Variants in LRP1B observed in about 807,000 individuals in gnomAD.
LRP1B encodes the protein low-density lipoprotein receptor-related protein 1B.
Under a neutral mutation model 556.6 loss-of-function variants are expected in LRP1B, and 217 were observed. The ratio of observed to expected loss-of-function variants is 0.39; its 90% CI spans 0.35 to 0.44. The LOEUF is 0.44. Among genes scored for constraint, LRP1B ranks in the 20% least tolerant of loss-of-function variants. The pLI, the probability that LRP1B is intolerant of heterozygous loss-of-function variation, is 1.00. For synonymous variants in LRP1B, 2,047 were observed against 1,865.8 expected (o/e 1.10, Z -2.50); for missense variants, 5,053 against 5,620.8 (o/e 0.90, Z 3.23).
At chr2:141,880,180 T>C (rs1435592) in intron 1 of LRP1B, among the ~76,000 whole-genome samples, 131,903 of 151,938 alleles carry the variant, frequency 0.87, 57,333 homozygotes, top group East Asian at 1. Flanking sequence ...CCAAGTCTTC[T>C]TTTGAGCTCT....
At chr2:141,347,790 A>T (rs1488802126) in intron 3 of LRP1B, among the ~76,000 whole-genome samples, 1 of 152,024 alleles carries the variant, frequency 6.6e-6, no homozygotes, top group Non-Finnish European at 1.5e-5. Flanking sequence ...TTTGGTTGTA[A>T]TCAGGATCTA....
At chr2:141,647,372 A>T (rs1468532807) in intron 2 of LRP1B, among the ~76,000 whole-genome samples, 2 of 151,912 alleles carry the variant, frequency 1.3e-5, no homozygotes, top group Non-Finnish European at 2.9e-5. Context: ...GTTTTCCACC[A>T]GGAGAAATTG....
chr2:140,671,012 A>G (rs1685459951), intron 41 of LRP1B, among the ~76,000 whole-genome samples: 1 of 152,240 alleles, frequency 6.6e-6, no homozygotes, highest in African/African-American at 2.4e-5. Flanking sequence ...TTTAAATAAA[A>G]GTATGTTAGA....
chr2:141,835,571 T>C (rs948528108), intron 1 of LRP1B, among the ~76,000 whole-genome samples: 1 of 151,732 alleles, frequency 6.6e-6, no homozygotes, highest in Non-Finnish European at 1.5e-5. Flanking sequence ...AAGATATAAA[T>C]AGAAGAGAGG....
At chr2:140,548,915 ACT>A (rs1353558725) in intron 43 of LRP1B, among the ~76,000 whole-genome samples, 1 of 151,998 alleles carries the variant, frequency 6.6e-6, no homozygotes, top group Non-Finnish European at 1.5e-5. Context: ...ACAGAGCAAG[ACT>A]CTGTCTCAAA....
chr2:141,912,981 T>A (rs1699943466), intron 1 of LRP1B, among the ~76,000 whole-genome samples: 1 of 152,176 alleles, frequency 6.6e-6, no homozygotes, highest in African/African-American at 2.4e-5. Flanking sequence ...TTGTATTAAA[T>A]AAATTTGTAT....
At chr2:141,972,234 T>C (rs1230520473) in intron 1 of LRP1B, among the ~76,000 whole-genome samples, 2 of 151,612 alleles carry the variant, frequency 1.3e-5, no homozygotes, top group South Asian at 4.1e-4. Context: ...TCTATTGAAT[T>C]CAGCTTTTGT....
intron 66 of LRP1B, among the ~76,000 whole-genome samples, chr2:140,391,967 A>T (rs2105211306): frequency 6.6e-6 from 1 of 152,200 alleles, no homozygotes; most frequent in East Asian, 1.9e-4. Context: ...CTGGAGTGAG[A>T]CTGTCTGGAT....
In LRP1B at chr2:140,883,995, C is replaced by G. The variant is rs762656238; in HGVS notation, c.3991G>C (p.Glu1331Gln). The change falls in exon 25 of 91, where the codon GAG becomes CAG. Residue 1331 changes from glutamate to glutamine, a missense_variant. Coordinates refer to ENST00000389484, the MANE Select transcript of LRP1B (RefSeq NM_018557.3). Reference protein sequence around the residue: ...GGVSAIEVVVEHGLATPEGLT... With the variant: ...GGVSAIEVVVQHGLATPEGLT... ...CCTTCTGGAGTAGCCAGGCCATGCT[C>G]CACAACCACTTCAATGGCACTGACA... 6.2e-7 allele frequency: 1 copy of G among 1,612,730 alleles called. No homozygotes were observed. Among genetic ancestry groups the G allele is most frequent in the African/African-American group, 1.3e-5 (1 of 74,932 alleles).
chr2:141,796,167 T>G (rs1695805366), intron 2 of LRP1B, among the ~76,000 whole-genome samples: 1 of 151,870 alleles, frequency 6.6e-6, no homozygotes, highest in African/African-American at 2.4e-5. Flanking sequence ...CCCAAAAGTT[T>G]AAAACAAATG....
At chr2:141,695,322 T>C (rs1167731741) in intron 2 of LRP1B, among the ~76,000 whole-genome samples, 1 of 151,990 alleles carries the variant, frequency 6.6e-6, no homozygotes, top group East Asian at 1.9e-4. Flanking sequence ...ATAAGTTTTA[T>C]TCTGTCCTCT....
intron 2 of LRP1B, among the ~76,000 whole-genome samples, chr2:141,808,424 G>C (rs757660481): frequency 2.0e-5 from 3 of 152,022 alleles, no homozygotes; most frequent in Non-Finnish European, 4.4e-5. Context: ...GAAAAGGAGA[G>C]GGCTAAAGCT....
intron 17 of LRP1B, among the ~76,000 whole-genome samples, chr2:140,988,843 A>ACG (rs1697007001): frequency 6.6e-6 from 1 of 151,994 alleles, no homozygotes; most frequent in African/African-American, 2.4e-5. Flanking sequence ...CATCAAATGA[A>ACG]CTATTTTTTT....
chr2:141,792,632 A>G (rs1695654102), intron 2 of LRP1B, among the ~76,000 whole-genome samples: 1 of 152,018 alleles, frequency 6.6e-6, no homozygotes, highest in South Asian at 2.1e-4. Flanking sequence ...ACTATGCCCT[A>G]AAAGATAAAA....
chr2:141,528,224 C>G (rs1684755810), intron 2 of LRP1B, among the ~76,000 whole-genome samples: 1 of 151,722 alleles, frequency 6.6e-6, no homozygotes, highest in Admixed American at 6.6e-5. Flanking sequence ...GAGTGACAAC[C>G]TATGGGGTTC....
At chr2:142,039,812 A>G (rs1186496994) in intron 1 of LRP1B, among the ~76,000 whole-genome samples, 1 of 151,584 alleles carries the variant, frequency 6.6e-6, no homozygotes, top group Non-Finnish European at 1.5e-5. Flanking sequence ...TTGTCAAAAC[A>G]TATTTTGTAT....
rs774854037 is a variant in LRP1B, at chr2:140,536,682, G to C, written c.7541C>G (p.Ser2514Trp). ...CTCACCATTTCCACATTCAAACTCC[G>C]AATAAGCGTTGCAGGAGGAATTTTT... ...VTKNSSCNAYSEFECGNGECI... is the reference protein window; with the variant it reads ...VTKNSSCNAYWEFECGNGECI... Residue 2514 changes from serine to tryptophan, a missense_variant, in exon 46 of 91, where the codon TCG becomes TGG. Physicochemically the swap from Ser to Trp is radical, Grantham distance 177 (BLOSUM62 -3). Transcript: ENST00000389484. 1 of 1,598,254 alleles carries C rather than the reference G, an allele frequency of 6.3e-7. No individual in the cohort carries two copies. The highest frequency in any genetic ancestry group is 1.4e-5 in the African/African-American group (1 of 72,958).
intron 6 of LRP1B, among the ~76,000 whole-genome samples, chr2:141,218,570 G>T: frequency 6.6e-6 from 1 of 152,118 alleles, no homozygotes. Context: ...CTTATAAGTG[G>T]GAGCTGAACA....
At chr2:140,971,753 G>C (rs1308809747) in intron 18 of LRP1B, among the ~76,000 whole-genome samples, 1 of 152,212 alleles carries the variant, frequency 6.6e-6, no homozygotes. Context: ...AGAATGGTGT[G>C]AACCCAAGAG....
Sources: gnomAD v4.1 joint callset for allele counts (sites outside exome capture counted in the v4.1 genomes callset) on GRCh38, gnomAD v4.1.1 for gene constraint, MANE v1.5 for transcripts, NCBI Gene and HGNC (gene_info 2026-07-23, HGNC 2026-07-21) for gene names.